Variants in PLCB4 observed in about 807,000 individuals in gnomAD.
PLCB4 encodes the protein phospholipase C beta 4, also known as 1-phosphatidylinositol 4,5-bisphosphate phosphodiesterase beta-4.
A neutral mutation model predicts 178.8 loss-of-function variants in PLCB4; 77 were observed. The ratio of observed to expected loss-of-function variants is 0.43; its 90% CI spans 0.36 to 0.52. The LOEUF (loss-of-function observed/expected upper bound fraction) is 0.52. Among genes scored for constraint, PLCB4 ranks in the 20% least tolerant of loss-of-function variants. The pLI, the probability that PLCB4 is intolerant of heterozygous loss-of-function variation, is 0.00. For synonymous variants in PLCB4, 496 were observed against 490.8 expected (o/e 1.01, Z -0.14); for missense variants, 1,024 against 1,453.4 (o/e 0.70, Z 4.80).
At chr20:9,446,249 C>T (rs1037950184) in intron 32 of PLCB4, among the ~76,000 whole-genome samples, 12 of 152,166 alleles carry the variant, frequency 7.9e-5, no homozygotes, top group African/African-American at 2.4e-4. Context: ...ATATTTGAAC[C>T]AAAATCAAGA....
intron 3 of PLCB4, among the ~76,000 whole-genome samples, chr20:9,304,750 T>C (rs1044305182): frequency 3.3e-5 from 4 of 119,882 alleles, no homozygotes; most frequent in Non-Finnish European, 7.3e-5. Context: ...TTACTCTGCC[T>C]CTGCTTTTTC....
At chr20:9,372,214 G>T in intron 10 of PLCB4, 89 bp from the exon 11 acceptor site, 3 of 725,398 alleles carry the variant, frequency 4.1e-6, no homozygotes, top group Non-Finnish European at 7.2e-6. Context: ...AGTCCAAGTG[G>T]TCTTCACTGT....
At chr20:9,444,055 A>G (rs753647508) in intron 31 of PLCB4, 25 bp downstream of exon 31, 2 of 1,561,344 alleles carry the variant, frequency 1.3e-6, no homozygotes, top group South Asian at 1.1e-5. Flanking sequence ...CTATTTTGCA[A>G]GCACTCTTGT....
chr20:9,370,582 G>A (rs1379965985), intron 9 of PLCB4, among the ~76,000 whole-genome samples: 2 of 152,084 alleles, frequency 1.3e-5, no homozygotes, highest in East Asian at 1.9e-4. Flanking sequence ...CAATTTGGTA[G>A]CATCAGAATT....
At chr20:9,444,449 AC>A (rs1177576773) in intron 32 of PLCB4, among the ~76,000 whole-genome samples, 4 of 152,176 alleles carry the variant, frequency 2.6e-5, no homozygotes, top group African/African-American at 9.7e-5. Flanking sequence ...CAAATGCATA[AC>A]AAAGCTTCAT....
At position 9,274,322 on chromosome 20, in the gene PLCB4, G is replaced by A. The variant is rs368709613; in HGVS notation, c.-15-33478G>A. Among the ~76,000 whole-genome samples, 201 of 152,144 alleles carry A rather than the reference G, an allele frequency of 1.3e-3. 1 individual carries two copies. Among genetic ancestry groups the A allele is most frequent in the African/African-American group, 4.6e-3 (191 of 41,534 alleles). Reference sequence around the variant, plus strand: ...CTACTTGTGGTGGCGAATACTTTCAGTAAACTTTCTTGTATGTCATCTCTT... The same window carrying A: ...CTACTTGTGGTGGCGAATACTTTCAATAAACTTTCTTGTATGTCATCTCTT... On this transcript the variant is annotated intron_variant, in intron 3 of 39. Coordinates refer to ENST00000378473, the MANE Select transcript of PLCB4 (RefSeq NM_001377142.1).
At chr20:9,242,852 C>G (rs893105788) in intron 3 of PLCB4, among the ~76,000 whole-genome samples, 1 of 152,028 alleles carries the variant, frequency 6.6e-6, no homozygotes, top group Non-Finnish European at 1.5e-5. Flanking sequence ...TAGGCATCTG[C>G]GAGTTAACAG....
At chr20:9,343,045 G>C (rs575233136) in intron 7 of PLCB4, among the ~76,000 whole-genome samples, 1 of 152,128 alleles carries the variant, frequency 6.6e-6, no homozygotes, top group Non-Finnish European at 1.5e-5. Flanking sequence ...AAAGTGGCTT[G>C]CTGGCTGGGA....
chr20:9,463,416 A>G (rs2043535099), intron 35 of PLCB4, among the ~76,000 whole-genome samples: 1 of 152,114 alleles, frequency 6.6e-6, no homozygotes, highest in South Asian at 2.1e-4. Context: ...ACATATAACA[A>G]TATTAACCTT....
At chr20:9,284,618 C>T (rs2094521589) in intron 3 of PLCB4, among the ~76,000 whole-genome samples, 2 of 151,866 alleles carry the variant, frequency 1.3e-5, no homozygotes, top group Non-Finnish European at 2.9e-5. Context: ...GTGGATTTCT[C>T]ACCTTGGTCC....
chr20:9,283,606 T>A (rs2094513114), intron 3 of PLCB4, among the ~76,000 whole-genome samples: 1 of 151,912 alleles, frequency 6.6e-6, no homozygotes, highest in Non-Finnish European at 1.5e-5. Flanking sequence ...TACCCTTTTC[T>A]CTCCTGGGCA....
chr20:9,343,657 C>G (rs896169388), intron 7 of PLCB4, among the ~76,000 whole-genome samples: 5 of 152,298 alleles, frequency 3.3e-5, no homozygotes, highest in African/African-American at 1.2e-4. Context: ...TGTTGCCACT[C>G]TTACCTATTT....
intron 3 of PLCB4, among the ~76,000 whole-genome samples, chr20:9,239,832 G>A (rs773542705): frequency 2.0e-5 from 3 of 152,138 alleles, no homozygotes; most frequent in Non-Finnish European, 4.4e-5. Flanking sequence ...CAGAGCCCCC[G>A]GCAAACCACA....
At chr20:9,070,027 T>C (rs959432275) in intron 1 of PLCB4, among the ~76,000 whole-genome samples, 1 of 151,690 alleles carries the variant, frequency 6.6e-6, no homozygotes, top group Admixed American at 6.6e-5. Context: ...TCAGGAAAGG[T>C]GTTTTTTTTT....
chr20:9,307,622 A>T lies in PLCB4; in HGVS notation c.-15-178A>T, dbSNP rs1022373447. Reference sequence around the variant, plus strand: ...TCACCTCTGGTATTTCTTGATTATGATATCTCCAGGTTTAGAGAAAAGAAA... The same window carrying T: ...TCACCTCTGGTATTTCTTGATTATGTTATCTCCAGGTTTAGAGAAAAGAAA... On this transcript the variant is annotated intron_variant, in intron 3 of 39. Transcript: ENST00000378473. Among the ~76,000 whole-genome samples the T allele has an allele frequency of 5.3e-5, 8 of 152,086 alleles. No individual in the cohort carries two copies. The East Asian group carries it at 1.4e-3, about 26-fold the overall frequency.
At chr20:9,274,198 A>G (rs2094432001) in intron 3 of PLCB4, among the ~76,000 whole-genome samples, 1 of 152,124 alleles carries the variant, frequency 6.6e-6, no homozygotes, top group Non-Finnish European at 1.5e-5. Context: ...AGAAAGGAAA[A>G]GGCACATTAA....
chr20:9,311,104 A>G (rs767163458), intron 4 of PLCB4, among the ~76,000 whole-genome samples: 37 of 152,314 alleles, frequency 2.4e-4, no homozygotes, highest in Middle Eastern at 3.4e-3. Context: ...CAACCCAGAT[A>G]TCTCTAACTC....
chr20:9,301,809 T>C (rs1326384378), intron 3 of PLCB4, among the ~76,000 whole-genome samples: 1 of 152,160 alleles, frequency 6.6e-6, no homozygotes, highest in African/African-American at 2.4e-5. Context: ...TTCCAAAGTT[T>C]CTTGCAGTCC....
intron 20 of PLCB4, among the ~76,000 whole-genome samples, chr20:9,404,186 T>TA (rs2039258740): frequency 1.3e-5 from 2 of 152,114 alleles, no homozygotes; most frequent in Non-Finnish European, 2.9e-5. Context: ...TGCCTGGAAT[T>TA]CCTTGAGGAG....
Sources: gnomAD v4.1 joint callset for allele counts (sites outside exome capture counted in the v4.1 genomes callset) on GRCh38, gnomAD v4.1.1 for gene constraint, MANE v1.5 for transcripts, NCBI Gene and HGNC (gene_info 2026-07-23, HGNC 2026-07-21) for gene names.